CALD1: variants seen among roughly 807,000 people sequenced by gnomAD.
The protein encoded by CALD1 is caldesmon.
In CALD1, 33 loss-of-function variants were observed where a neutral mutation model predicts 99.9. The observed-to-expected ratio is 0.33, with a 90% CI of 0.25 to 0.44. The LOEUF is 0.44. CALD1 is among the 20% of genes least tolerant of loss of function. The pLI is 1.00. For synonymous variants in CALD1, 310 were observed against 325.0 expected (o/e 0.95, Z 0.50); for missense variants, 861 against 962.1 (o/e 0.89, Z 1.39).
At chr7:134,891,044 G>T (rs1400407035) in intron 3 of CALD1, among the ~76,000 whole-genome samples, 3 of 152,200 alleles carry the variant, frequency 2.0e-5, no homozygotes, top group African/African-American at 4.8e-5. Context: ...CAGAATGGGA[G>T]CCTGAGAACT....
intron 3 of CALD1, among the ~76,000 whole-genome samples, chr7:134,915,373 GA>G (rs1367800399): frequency 6.6e-6 from 1 of 152,170 alleles, no homozygotes; most frequent in Non-Finnish European, 1.5e-5. Context: ...TCAGAAATAT[GA>G]ACTTTTTTTT....
chr7:134,836,958 A>G (rs1799466830), intron 1 of CALD1, among the ~76,000 whole-genome samples: 1 of 152,218 alleles, frequency 6.6e-6, no homozygotes, highest in South Asian at 2.1e-4. Context: ...AAAGGAGAAA[A>G]GGCTGCAATG....
intron 11 of CALD1, among the ~76,000 whole-genome samples, chr7:134,958,872 A>AT (rs1807993537): frequency 1.6e-5 from 2 of 124,864 alleles, no homozygotes; most frequent in African/African-American, 6.1e-5. Context: ...CTGGTATTTA[A>AT]ATATATATAT....
At chr7:134,727,773 G>C in the CALD1 span, among the ~76,000 whole-genome samples, 1 of 152,158 alleles carries the variant, frequency 6.6e-6, no homozygotes, top group Non-Finnish European at 1.5e-5. Context: ...TTCTCACATA[G>C]TACAAGTGAA....
intron 3 of CALD1, among the ~76,000 whole-genome samples, chr7:134,889,785 G>T (rs545002798): frequency 6.6e-6 from 1 of 152,046 alleles, no homozygotes. Flanking sequence ...ATATATGTTC[G>T]GTGATCATAT....
chr7:134,856,427 T>G (rs1011814942), intron 2 of CALD1, among the ~76,000 whole-genome samples: 1 of 152,150 alleles, frequency 6.6e-6, no homozygotes, highest in Non-Finnish European at 1.5e-5. Context: ...TCCAGAACGG[T>G]GCCTTATGTT....
chr7:134,747,137 A>T (rs1048821065), intron 1 of CALD1, among the ~76,000 whole-genome samples: 1 of 152,208 alleles, frequency 6.6e-6, no homozygotes, highest in Non-Finnish European at 1.5e-5. Flanking sequence ...TGTCATCTCA[A>T]TGGAAGCCAG....
At chr7:134,771,720 T>G (rs746164199) in intron 1 of CALD1, among the ~76,000 whole-genome samples, 2 of 152,208 alleles carry the variant, frequency 1.3e-5, no homozygotes, top group Non-Finnish European at 2.9e-5. Flanking sequence ...ATGGCGGATC[T>G]GGCCACTGGC....
At chr7:134,871,285 T>C (rs963545680) in intron 3 of CALD1, among the ~76,000 whole-genome samples, 1 of 152,216 alleles carries the variant, frequency 6.6e-6, no homozygotes, top group Non-Finnish European at 1.5e-5. Flanking sequence ...TGAGCCCAGA[T>C]GGGAGAAGAC....
intron 1 of CALD1, among the ~76,000 whole-genome samples, chr7:134,758,885 G>A (rs1796753398): frequency 6.6e-6 from 1 of 152,046 alleles, no homozygotes; most frequent in Non-Finnish European, 1.5e-5. Flanking sequence ...ACCCACATCT[G>A]TACCCTTCCT....
intron 3 of CALD1, among the ~76,000 whole-genome samples, chr7:134,913,444 C>T (rs938729775): frequency 6.6e-6 from 1 of 152,090 alleles, no homozygotes; most frequent in African/African-American, 2.4e-5. Flanking sequence ...TTAAATGTAT[C>T]TTTGTTTTAT....
chr7:134,759,927 C>T (rs1796761917), intron 1 of CALD1, among the ~76,000 whole-genome samples: 1 of 152,226 alleles, frequency 6.6e-6, no homozygotes, highest in African/African-American at 2.4e-5. Context: ...CAGGATGGTT[C>T]TCATTCTCAT....
At chr7:134,812,437 A>T (rs768481451) in intron 1 of CALD1, among the ~76,000 whole-genome samples, 7 of 152,166 alleles carry the variant, frequency 4.6e-5, no homozygotes, top group Non-Finnish European at 8.8e-5. Flanking sequence ...GTTTCCAAGG[A>T]CCACTTAGTG....
chr7:134,920,681 T>G, intron 3 of CALD1: 1 of 1,289,352 alleles, frequency 7.8e-7, no homozygotes, highest in Non-Finnish European at 1.0e-6. Context: ...GCAGAAATTT[T>G]AGAGCTGATC....
chr7:134,912,447 G>A (rs927648523), intron 3 of CALD1, among the ~76,000 whole-genome samples: 1 of 152,164 alleles, frequency 6.6e-6, no homozygotes, highest in South Asian at 2.1e-4. Context: ...CCAAGGCAAC[G>A]CTGACACTTA....
chr7:134,877,234 G>C (rs1457582854), intron 3 of CALD1, among the ~76,000 whole-genome samples: 1 of 152,128 alleles, frequency 6.6e-6, no homozygotes, highest in Admixed American at 6.5e-5. Context: ...GCTACCATCT[G>C]GGGTATCACT....
At chr7:134,950,191 T>A (rs1807226608) in intron 8 of CALD1, among the ~76,000 whole-genome samples, 183 bp from the exon 9 acceptor site, 1 of 152,228 alleles carries the variant, frequency 6.6e-6, no homozygotes, top group African/African-American at 2.4e-5. Flanking sequence ...AGCACCAGAA[T>A]GCAAATGCAG....
chr7:134,943,058 A>G (rs1329258294), intron 7 of CALD1, among the ~76,000 whole-genome samples: 1 of 152,184 alleles, frequency 6.6e-6, no homozygotes, highest in Non-Finnish European at 1.5e-5. Flanking sequence ...ATTTTTGTTT[A>G]GCCACCAACG....
intron 3 of CALD1, among the ~76,000 whole-genome samples, chr7:134,922,014 C>T (rs1295567685): frequency 6.6e-6 from 1 of 152,152 alleles, no homozygotes; most frequent in Non-Finnish European, 1.5e-5. Flanking sequence ...CCCTAGTGAA[C>T]TGATTTTGGC....
Sources: allele counts gnomAD v4.1 joint callset (sites outside exome capture counted in the v4.1 genomes callset), GRCh38; gene constraint gnomAD v4.1.1; transcripts MANE v1.5; gene names NCBI Gene and HGNC (gene_info 2026-07-23, HGNC 2026-07-21).